Variants in SPPL3 observed in about 807,000 individuals in gnomAD.
SPPL3 encodes signal peptide peptidase like 3.
SPPL3 carries 5 observed loss-of-function variants against 42.4 expected under a neutral mutation model. That is an observed-to-expected ratio of 0.12 (90% CI 0.06 to 0.25). SPPL3 has a LOEUF of 0.25. Among genes scored for constraint, SPPL3 ranks in the 10% least tolerant of loss-of-function variants. SPPL3 has a pLI of 1.00. For missense variants in SPPL3, 235 were observed against 489.0 expected (o/e 0.48, Z 4.90); for synonymous variants, 195 against 181.8 (o/e 1.07, Z -0.58).
At chr12:120,807,435 G>A (rs903028655) in intron 2 of SPPL3, among the ~76,000 whole-genome samples, 8 of 152,102 alleles carry the variant, frequency 5.3e-5, no homozygotes, top group Non-Finnish European at 7.4e-5. Flanking sequence ...CAGCACTTTG[G>A]GAGGCCGAGG....
chr12:120,764,902 TA>T lies in SPPL3; in HGVS notation c.*96del. The T allele has an allele frequency of 7.5e-7, 1 of 1,335,754 alleles. No individual in the cohort carries two copies. Among genetic ancestry groups the T allele is most frequent in the South Asian group, 1.4e-5 (1 of 73,956 alleles). 82.7% of individuals were successfully genotyped at this position (1,335,754 alleles called of 1,614,324 possible). On this transcript the variant is annotated 3_prime_UTR_variant, in exon 11 of 11. Transcript: ENST00000353487. ...CACACGGCAGTTCCTTAAACACAGG[TA>T]CATTTCTGAGTACCAGGCCAGCTCT...
chr12:120,871,399 C>G (rs1344564121), intron 1 of SPPL3, among the ~76,000 whole-genome samples: 1 of 152,102 alleles, frequency 6.6e-6, no homozygotes, highest in African/African-American at 2.4e-5. Flanking sequence ...ATCCTGGTAT[C>G]CACGGGGGAT....
chr12:120,781,656 C>A (rs1042549389), intron 6 of SPPL3, among the ~76,000 whole-genome samples: 4 of 147,132 alleles, frequency 2.7e-5, no homozygotes, highest in Non-Finnish European at 5.9e-5. Context: ...TCACTGCAAG[C>A]TCCGCCTCCC....
At chr12:120,856,930 A>G (rs1036008488) in intron 1 of SPPL3, among the ~76,000 whole-genome samples, 33 of 152,218 alleles carry the variant, frequency 2.2e-4, no homozygotes, top group African/African-American at 7.5e-4. Flanking sequence ...AGCTCTGTAC[A>G]TTCCAACTTA....
At chr12:120,898,319 A>ATTTT (rs1279563230) in intron 1 of SPPL3, among the ~76,000 whole-genome samples, 2 of 138,954 alleles carry the variant, frequency 1.4e-5, no homozygotes, top group Non-Finnish European at 3.2e-5. Context: ...TTTTTTAAAA[A>ATTTT]AAAAAAAAAA....
intron 2 of SPPL3, among the ~76,000 whole-genome samples, chr12:120,793,561 T>C (rs1206408342): frequency 6.6e-6 from 1 of 152,122 alleles, no homozygotes; most frequent in African/African-American, 2.4e-5. Context: ...GATAACTAAG[T>C]GTTGGCAAGG....
intron 1 of SPPL3, among the ~76,000 whole-genome samples, chr12:120,873,089 T>C (rs889377399): frequency 2.0e-5 from 3 of 152,200 alleles, no homozygotes; most frequent in Non-Finnish European, 4.4e-5. Context: ...ACAGTTCATA[T>C]GAATGTGATG....
intron 1 of SPPL3, among the ~76,000 whole-genome samples, chr12:120,884,494 A>AT (rs899190869): frequency 6.6e-6 from 1 of 150,700 alleles, no homozygotes; most frequent in African/African-American, 2.4e-5. Flanking sequence ...GGTAATTAGG[A>AT]TTTTTCTTTT....
intron 1 of SPPL3, among the ~76,000 whole-genome samples, chr12:120,857,603 A>G (rs1872501836): frequency 6.6e-6 from 1 of 152,254 alleles, no homozygotes; most frequent in Non-Finnish European, 1.5e-5. Context: ...GACTGGATAA[A>G]GAAAATGTGG....
intron 1 of SPPL3, among the ~76,000 whole-genome samples, chr12:120,852,710 G>T (rs1566060821): frequency 0.61 from 21,460 of 34,900 alleles, 9,454 homozygotes; most frequent in East Asian, 0.94. Context: ...TTACATATAT[G>T]AAATATATTT....
chr12:120,806,001 C>CAT (rs745362379), intron 2 of SPPL3, among the ~76,000 whole-genome samples: 12 of 132,966 alleles, frequency 9.0e-5, no homozygotes, highest in Non-Finnish European at 9.6e-5. Flanking sequence ...TCCCTGCAGG[C>CAT]TTTTTTTTTT....
intron 1 of SPPL3, among the ~76,000 whole-genome samples, chr12:120,812,248 C>T (rs775332603): frequency 4.0e-5 from 6 of 151,838 alleles, no homozygotes; most frequent in Non-Finnish European, 8.8e-5. Context: ...GATTCTCTTG[C>T]CTCAGTCTCT....
chr12:120,844,357 G>A (rs1051852770), intron 1 of SPPL3, among the ~76,000 whole-genome samples: 9 of 152,124 alleles, frequency 5.9e-5, no homozygotes, highest in African/African-American at 1.9e-4. Flanking sequence ...CTCCTAACTA[G>A]TCTTACTCCC....
rs1868954848 is a variant in SPPL3 at position 120,767,471 on chromosome 12, G to A, written c.896C>T (p.Ala299Val). 1 of 1,614,150 alleles carries A rather than the reference G, an allele frequency of 6.2e-7. No individual in the cohort carries two copies. Among genetic ancestry groups the A allele is most frequent in the East Asian group, 2.2e-5 (1 of 44,884 alleles). ...CCCGGAGATGTTGGCAGGTCCAGGG[G>A]CCCCACAGGAGTCCCCACTGGCTTG... The part of the protein sequence containing the change: ...KKQASGDSCG[A>V]PGPANISGRM... The change falls in exon 9 of 11, where the codon GCC (alanine) becomes GTC (valine). Residue 299 changes from alanine (A) to valine (V), a missense_variant. Ala to Val is a moderately conservative substitution (Grantham distance 64). Around this residue, in one of 6 missense-constraint regions of SPPL3, gnomAD observed 29 missense variants for 16.4 expected, o/e 1.77. Transcript: ENST00000353487.
intron 2 of SPPL3, among the ~76,000 whole-genome samples, chr12:120,798,600 T>C (rs191272509): frequency 1.1e-4 from 16 of 152,178 alleles, no homozygotes; most frequent in African/African-American, 3.9e-4. Context: ...GTCTCTGGAG[T>C]CAATGGAACA....
intron 1 of SPPL3, among the ~76,000 whole-genome samples, chr12:120,819,734 A>G (rs570981790): frequency 1.3e-5 from 2 of 152,326 alleles, no homozygotes; most frequent in South Asian, 4.1e-4. Context: ...AAAAATTTCC[A>G]TTTTATCACT....
intron 1 of SPPL3, among the ~76,000 whole-genome samples, chr12:120,820,225 G>A (rs780851150): frequency 6.7e-6 from 1 of 150,076 alleles, no homozygotes; most frequent in Non-Finnish European, 1.5e-5. Flanking sequence ...AAAAAAACTT[G>A]TATTCCATGC....
intron 1 of SPPL3, among the ~76,000 whole-genome samples, chr12:120,858,043 A>G (rs1261685198): frequency 1.3e-5 from 2 of 152,210 alleles, no homozygotes; most frequent in African/African-American, 4.8e-5. Flanking sequence ...GTTTTATCTC[A>G]AAGTCATTAT....
At chr12:120,880,522 C>A (rs1873246737) in intron 1 of SPPL3, among the ~76,000 whole-genome samples, 1 of 152,058 alleles carries the variant, frequency 6.6e-6, no homozygotes, top group Non-Finnish European at 1.5e-5. Context: ...GGTGTGGTAG[C>A]TCATACCTGT....
Sources: allele counts gnomAD v4.1 joint callset (sites outside exome capture counted in the v4.1 genomes callset), GRCh38; gene constraint gnomAD v4.1.1; regional missense constraint gnomAD v4.1.1; transcripts MANE v1.5; gene names NCBI Gene and HGNC (gene_info 2026-07-23, HGNC 2026-07-21).